CELSR2: variants seen among roughly 807,000 people sequenced by gnomAD.
CELSR2 encodes EGF-like protein 2.
In CELSR2, 81 loss-of-function variants were observed where a neutral mutation model predicts 251.6. The ratio of observed to expected loss-of-function variants is 0.32; its 90% CI spans 0.27 to 0.39. The LOEUF (loss-of-function observed/expected upper bound fraction) is 0.39. CELSR2 is among the 10% of genes least tolerant of loss of function. CELSR2 has a pLI of 1.00. For synonymous variants in CELSR2, 1,721 were observed against 1,670.5 expected (o/e 1.03, Z -0.74); for missense variants, 3,365 against 3,947.7 (o/e 0.85, Z 3.96).
In CELSR2 at chr1:109,258,463, G is replaced by A. The variant is rs762995944; in HGVS notation, c.3342G>A (p.Ala1114=). 2.1e-5 allele frequency: 34 copies of A among 1,603,234 alleles called. No homozygotes were observed. In the Middle Eastern group the frequency reaches 4.9e-4, roughly 23 times the overall value. ...DGVHSVTAQC[A]LRVTIITDEM... is the part of the protein sequence containing the mutation. ...TACACAGCGTGACCGCCCAGTGCGCGCTGCGTGTGACCATCATCACCGATG... is the reference window on the plus strand; with the variant it reads ...TACACAGCGTGACCGCCCAGTGCGCACTGCGTGTGACCATCATCACCGATG... The change falls in exon 2 of 34, where the codon GCG becomes GCA. Residue 1114 remains alanine (A), a synonymous_variant. Transcript: ENST00000271332.
At chr1:109,266,300 C>T in intron 15 of CELSR2, 94 bp downstream of exon 15, 9 of 1,473,216 alleles carry the variant, frequency 6.1e-6, no homozygotes, top group Non-Finnish European at 8.2e-6. Flanking sequence ...ATCCGGGGAC[C>T]CCACTTTCTG....
rs1334746930 is a variant in CELSR2, at chr1:109,270,084, G to C, written c.7259G>C (p.Gly2420Ala). The C allele has an allele frequency of 1.9e-6, 3 of 1,613,976 alleles. No individual in the cohort carries two copies. Among genetic ancestry groups the C allele is most frequent in the South Asian group, 2.2e-5 (2 of 91,082 alleles). ...CGACGTAACCTGACAGCTGCCCTGG[G>C]CCTGGCTCAGCTGGTCTTCCTCCTG... Reference protein sequence around the residue: ...GIRRNLTAALGLAQLVFLLGI... With the variant: ...GIRRNLTAALALAQLVFLLGI... The change falls in exon 23 of 34, where the codon GGC becomes GCC. Residue 2420 changes from glycine to alanine, a missense_variant. Transcript: ENST00000271332.
At position 109,268,684 on chromosome 1, in the gene CELSR2, A is replaced by G. The variant is rs1489846392; in HGVS notation, c.6422A>G (p.Tyr2141Cys). 3.1e-6 allele frequency: 5 copies of G among 1,613,894 alleles called. No homozygotes were observed. The highest frequency in any genetic ancestry group is 3.4e-6 in the Non-Finnish European group (4 of 1,179,954). ...EGGTAWLLQHYEAYASALAQN... is the reference protein window; with the variant it reads ...EGGTAWLLQHCEAYASALAQN... ...GGCACCGCCTGGCTGCTCCAGCACTATGAGGCCTACGCCAGTGCCCTGGCC... is the reference window on the plus strand; with the variant it reads ...GGCACCGCCTGGCTGCTCCAGCACTGTGAGGCCTACGCCAGTGCCCTGGCC... Residue 2141 changes from tyrosine to cysteine, a missense_variant, in exon 18 of 34, where the codon TAT becomes TGT. This residue lies in a region of CELSR2 where 2,093 missense variants were observed against 2,382.8 expected (regional missense o/e 0.88). Transcript: ENST00000271332.
Position 109,270,932 on chromosome 1 carries a change from G to A in CELSR2, c.7489G>A (p.Ala2497Thr). ...WGVPAFITGL[A>T]VGLDPEGYGN... ...CGTCTGTCTCCATGCTCCAGGGCTA[G>A]CCGTGGGCCTGGACCCCGAGGGCTA... Residue 2497 changes from alanine (A) to threonine (T), a missense_variant, in exon 25 of 34, where the codon GCC (alanine) becomes ACC (threonine). By Grantham distance (58) the Ala-to-Thr change is moderately conservative. Transcript: ENST00000271332. The A allele has an allele frequency of 6.2e-7, 1 of 1,612,078 alleles. No homozygotes were observed. Among genetic ancestry groups the A allele is most frequent in the Non-Finnish European group, 8.5e-7 (1 of 1,178,586 alleles).
At position 109,252,167 on chromosome 1, in the gene CELSR2, A is replaced by G. The variant is rs572844520; in HGVS notation, c.2088A>G (p.Ala696=). 9.3e-6 allele frequency: 15 copies of G among 1,613,918 alleles called. No individual in the cohort carries two copies. In the South Asian group the frequency reaches 1.6e-4, roughly 18 times the overall value. The change falls in exon 1 of 34, where the codon GCA becomes GCG. Residue 696 remains alanine (A), a synonymous_variant. Transcript: ENST00000271332. The surrounding 1 kb of genome is among the most constrained non-coding windows in gnomAD (Gnocchi z 4.8). The part of the protein sequence containing the change: ...TASDGTRQDT[A]QIVVNVTDAN... ...CCGATGGCACTCGGCAGGACACGGCACAGATTGTGGTGAATGTCACCGACG... is the reference window on the plus strand; with the variant it reads ...CCGATGGCACTCGGCAGGACACGGCGCAGATTGTGGTGAATGTCACCGACG...
At chr1:109,271,177 T>G in intron 25 of CELSR2, 40 bp from the exon 26 acceptor site, 1 of 1,596,214 alleles carries the variant, frequency 6.3e-7, no homozygotes, top group Non-Finnish European at 8.6e-7. Context: ...GGAAGCTGTT[T>G]GTCCCCACTG....
intron 1 of CELSR2, among the ~76,000 whole-genome samples, chr1:109,257,517 C>T (rs940961525): frequency 7.2e-5 from 11 of 152,124 alleles, no homozygotes; most frequent in Non-Finnish European, 1.5e-4. Context: ...GAATGAGACA[C>T]CAGCAAGTGT....
At chr1:109,258,299 GCC>G (rs1464642522) in intron 1 of CELSR2, 131 bp from the exon 2 acceptor site, 1 of 609,712 alleles carries the variant, frequency 1.6e-6, no homozygotes, top group Non-Finnish European at 2.9e-6. Context: ...GGAGTGATTG[GCC>G]CACACGTGAC....
At position 109,251,070 on chromosome 1, in the gene CELSR2, G is replaced by T. The variant is rs756506681; in HGVS notation, c.991G>T (p.Gly331Trp). ...NANILYRLLEGSGGSPSEVFE... is the reference protein window; with the variant it reads ...NANILYRLLEWSGGSPSEVFE... ...CAATATTCTGTACCGCCTGCTGGAG[G>T]GGTCTGGGGGCAGCCCCTCTGAAGT... Residue 331 changes from glycine (G) to tryptophan (W), a missense_variant, in exon 1 of 34, where the codon GGG becomes TGG. Transcript: ENST00000271332. The surrounding 1 kb of genome is among the most constrained non-coding windows in gnomAD (Gnocchi z 4.9). 4 of 1,613,478 alleles carry T rather than the reference G, an allele frequency of 2.5e-6. No homozygotes were observed. The highest frequency in any genetic ancestry group is 3.4e-6 in the Non-Finnish European group (4 of 1,179,928).
intron 1 of CELSR2, among the ~76,000 whole-genome samples, chr1:109,254,134 C>T (rs930384149): frequency 3.3e-5 from 5 of 152,214 alleles, no homozygotes; most frequent in East Asian, 3.9e-4. Flanking sequence ...GCTGAGGCCT[C>T]GTGGGCCCCC....
Position 109,269,325 on chromosome 1 carries a change from T to C in CELSR2, c.6812+35T>C. The C allele has an allele frequency of 1.2e-6, 2 of 1,611,840 alleles. No individual in the cohort carries two copies. The highest frequency in any genetic ancestry group is 1.7e-6 in the Non-Finnish European group (2 of 1,179,346). On this transcript the variant is annotated intron_variant, in intron 20 of 33. Coordinates refer to ENST00000271332, the MANE Select transcript of CELSR2 (RefSeq NM_001408.3). This position sits in a 1 kb window ranked among gnomAD's most constrained non-coding sequence, Gnocchi z 6.4. ...TAGGGGACAGGTGTGGGTAGGGGTA[T>C]GGGTCGGGCGGTGAGTGCTGAGGCA...
Position 109,272,967 on chromosome 1 carries a change from G to A in CELSR2, c.8278G>A (p.Gly2760Ser), listed in dbSNP as rs763861765. 4 of 1,614,090 alleles carry A rather than the reference G, an allele frequency of 2.5e-6. No individual in the cohort carries two copies. In the Admixed American group the frequency reaches 6.7e-5, roughly 27 times the overall value. ...EEEAAFPGEQ[G>S]WDSLLGPGAE... Reference sequence around the variant, plus strand: ...GGAGGCCGCCTTCCCTGGAGAGCAGGGCTGGGATAGCCTGCTGGGGCCTGG... The same window carrying A: ...GGAGGCCGCCTTCCCTGGAGAGCAGAGCTGGGATAGCCTGCTGGGGCCTGG... The change falls in exon 31 of 34, where the codon GGC (glycine) becomes AGC (serine). Residue 2760 changes from glycine (G) to serine (S), a missense_variant. Physicochemically the swap from Gly to Ser is moderately conservative, Grantham distance 56. Around this residue, in one of 5 missense-constraint regions of CELSR2, gnomAD observed 2,093 missense variants for 2,382.8 expected, o/e 0.88. Coordinates refer to ENST00000271332, the MANE Select transcript of CELSR2 (RefSeq NM_001408.3).
Position 109,263,257 on chromosome 1 carries a change from C to T in CELSR2, c.4824C>T (p.Ser1608=). Residue 1608 remains serine, a synonymous_variant, in exon 8 of 34, where the codon AGC becomes AGT. Transcript: ENST00000271332. ...GCCCCCTGGGCTTTGGGGGCAAGAGCTGCGCCCAGGGTAGGAGGGGCGGCT... is the reference window on the plus strand; with the variant it reads ...GCCCCCTGGGCTTTGGGGGCAAGAGTTGCGCCCAGGGTAGGAGGGGCGGCT... ...CECPLGFGGK[S]CAQEMANPQH... 6.3e-7 allele frequency: 1 copy of T among 1,581,798 alleles called. No individual in the cohort carries two copies. Among genetic ancestry groups the T allele is most frequent in the Non-Finnish European group, 8.6e-7 (1 of 1,156,072 alleles).
At position 109,253,306 on chromosome 1, in the gene CELSR2, A is replaced by G. The variant is rs776694891; in HGVS notation, c.3227A>G (p.Asn1076Ser). ...AATGAACTCAGCCTGGTCCTGCTCA[A>G]TGCCTCCACGGGTGAGCTGAAGCTA... ...RGNELSLVLL[N>S]ASTGELKLSR... The change falls in exon 1 of 34, where the codon AAT (asparagine) becomes AGT (serine). Residue 1076 changes from asparagine (N) to serine (S), a missense_variant. Asn to Ser is a conservative substitution (Grantham distance 46). Transcript: ENST00000271332. The G allele has an allele frequency of 8.1e-6, 13 of 1,613,338 alleles. No individual in the cohort carries two copies. Among genetic ancestry groups the G allele is most frequent in the Admixed American group, 5.0e-5 (3 of 60,010 alleles).
intron 15 of CELSR2, among the ~76,000 whole-genome samples, chr1:109,266,721 CT>C (rs36115271): frequency 0.45 from 53,953 of 119,834 alleles, 11,909 homozygotes; most frequent in Middle Eastern, 0.65. Flanking sequence ...ACATTTTGGA[CT>C]TTTTTTTTTT....
In CELSR2 at chr1:109,265,881, C is replaced by T; in HGVS notation, c.5874C>T (p.Asp1958=). 1.2e-6 allele frequency: 2 copies of T among 1,613,976 alleles called. No individual in the cohort carries two copies. The highest frequency in any genetic ancestry group is 1.7e-4 in the Middle Eastern group (1 of 6,058). The change falls in exon 14 of 34, where the codon GAC becomes GAT. Residue 1958 remains aspartate (D), a synonymous_variant. Coordinates refer to ENST00000271332, the MANE Select transcript of CELSR2 (RefSeq NM_001408.3). ...TCGGGCGTCAGTGTGACCGCTGTGA[C>T]AACCCTTTTGCTGAGGTCACCACCA... ...GVIGRQCDRC[D]NPFAEVTTNG... is the part of the protein sequence containing the mutation.
intron 2 of CELSR2, among the ~76,000 whole-genome samples, chr1:109,260,755 C>T (rs1655997076): frequency 6.6e-6 from 1 of 152,164 alleles, no homozygotes; most frequent in African/African-American, 2.4e-5. Flanking sequence ...TTATGAAACC[C>T]AAATGGGGTA....
rs1181846622 is a variant in CELSR2, at chr1:109,261,195, G to A, written c.4112G>A (p.Ser1371Asn). Residue 1371 changes from serine (S) to asparagine (N), a missense_variant, in exon 3 of 34, where the codon AGC becomes AAC. Around this residue, in one of 5 missense-constraint regions of CELSR2, gnomAD observed 2,093 missense variants for 2,382.8 expected, o/e 0.88. Transcript: ENST00000271332. This position sits in a 1 kb window ranked among gnomAD's most constrained non-coding sequence, Gnocchi z 4.8. ...CCCTACTGCCAGGTGACCACGCGCA[G>A]CTTCCCCGCCCACTCCTTCATCACC... ...EKPYCQVTTRSFPAHSFITFR... is the reference protein window; with the variant it reads ...EKPYCQVTTRNFPAHSFITFR... The A allele has an allele frequency of 4.3e-6, 7 of 1,614,006 alleles. No homozygotes were observed. The highest frequency in any genetic ancestry group is 5.9e-6 in the Non-Finnish European group (7 of 1,180,040).
In CELSR2 at chr1:109,270,457, A is replaced by T. The variant is rs776069307; in HGVS notation, c.7340A>T (p.His2447Leu). 2.5e-6 allele frequency: 4 copies of T among 1,614,170 alleles called. No individual in the cohort carries two copies. The South Asian group carries it at 4.4e-5, about 18-fold the overall frequency. Residue 2447 changes from histidine (H) to leucine (L), a missense_variant, in exon 24 of 34, where the codon CAC becomes CTC. Physicochemically the swap from His to Leu is moderately conservative, Grantham distance 99. Transcript: ENST00000271332. The stretch of plus-strand genomic sequence containing the variant: ...TGCACAGTCATTGCCATCCTGCTGC[A>T]CTTCCTGTACCTCTGCACCTTTTCC... The part of the protein sequence containing the change: ...FACTVIAILL[H>L]FLYLCTFSWA...
Sources: allele counts gnomAD v4.1 joint callset (sites outside exome capture counted in the v4.1 genomes callset), GRCh38; gene constraint gnomAD v4.1.1; regional missense constraint gnomAD v4.1.1; non-coding constraint Gnocchi (gnomAD v3.1); transcripts MANE v1.5; gene names NCBI Gene and HGNC (gene_info 2026-07-23, HGNC 2026-07-21).